The following TFAP2C variants were observed in gnomAD, a reference collection of about 807,000 sequenced individuals.
TFAP2C encodes the protein activating enhancer-binding protein 2 gamma.
TFAP2C carries 9 observed loss-of-function variants against 42.9 expected under a neutral mutation model. The ratio of observed to expected loss-of-function variants is 0.21; its 90% CI spans 0.13 to 0.37. The LOEUF (loss-of-function observed/expected upper bound fraction) is 0.37. Ranked by LOEUF, TFAP2C falls within the 10% of genes least tolerant of loss-of-function variation. The pLI, the probability that TFAP2C is intolerant of heterozygous loss-of-function variation, is 1.00. For synonymous variants in TFAP2C, 264 were observed against 256.0 expected, an observed-to-expected ratio of 1.03 and a Z score of -0.30; for missense variants, 462 against 591.7, an observed-to-expected ratio of 0.78 and a Z score of 2.27.
Position 56,629,585 on chromosome 20 carries a change from A to T in TFAP2C, c.41A>T (p.Asp14Val). Residue 14 changes from aspartate (D) to valine (V), a missense_variant, in exon 1 of 7, where the codon GAC (aspartate) becomes GTC (valine). Physicochemically the swap from Asp to Val is radical, Grantham distance 152. Around this residue, in one of 5 missense-constraint regions of TFAP2C, gnomAD observed 271 missense variants for 269.7 expected, o/e 1.00. Coordinates refer to ENST00000201031, the MANE Select transcript of TFAP2C (RefSeq NM_003222.4). The surrounding 1 kb of genome is among the most constrained non-coding windows in gnomAD (Gnocchi z 5.9). Reference sequence around the variant, plus strand: ...ACCGATAATGTCAAGTACGAAGAGGACTGCGAGGTGAGCTGGGGCTCCGGG... The same window carrying T: ...ACCGATAATGTCAAGTACGAAGAGGTCTGCGAGGTGAGCTGGGGCTCCGGG... ...KITDNVKYEE[D>V]CEDRHDGSSN... The T allele has an allele frequency of 1.4e-6, 2 of 1,421,676 alleles. No individual in the cohort carries two copies. The highest frequency in any genetic ancestry group is 1.8e-6 in the Non-Finnish European group (2 of 1,086,372). The allele number at this position is 1,421,676 out of a possible 1,614,324, so 88.1% of individuals were successfully genotyped here. A position where few individuals can be genotyped will look rare whatever the true frequency, so the allele number is the denominator to read the frequency against.
rs752243575 is a variant in TFAP2C at position 56,638,648 on chromosome 20, A to AT, written c.*642dup. On this transcript the variant is annotated 3_prime_UTR_variant, in exon 7 of 7. Transcript: ENST00000201031. ...TTGTAGAAACGAAGCCTGCTGATTGATTTTTTTCTCCTTTTTTTTTTTTTT... is the reference window on the plus strand; with the variant it reads ...TTGTAGAAACGAAGCCTGCTGATTGATTTTTTTTCTCCTTTTTTTTTTTTTT... 4 of 121,652 alleles carry AT rather than the reference A, an allele frequency of 3.3e-5. No individual in the cohort carries two copies. The highest frequency in any genetic ancestry group is 5.4e-4 in the South Asian group (2 of 3,728). The allele number at this position is 121,652 out of a possible 1,614,324, so 7.5% of individuals were successfully genotyped here.
intron 4 of TFAP2C, among the ~76,000 whole-genome samples, chr20:56,633,852 C>A (rs887193810): frequency 2.0e-5 from 3 of 152,092 alleles, no homozygotes; most frequent in African/African-American, 7.2e-5. Context: ...GTTTGTTCCC[C>A]AGGGAGTTTT....
Position 56,630,089 on chromosome 20 carries a change from T to C in TFAP2C, c.48+497T>C. ...AAAAGAAGTGGGGGCTGGGGAGTGG[T>C]GGTGGGGGTGCCCGAGGCCAGATGG... On this transcript the variant is annotated intron_variant, in intron 1 of 6. Coordinates refer to ENST00000201031, the MANE Select transcript of TFAP2C (RefSeq NM_003222.4). This position sits in a 1 kb window ranked among gnomAD's most constrained non-coding sequence, Gnocchi z 5.1. The C allele has an allele frequency of 5.5e-6, 1 of 182,670 alleles. No homozygotes were observed. The highest frequency in any genetic ancestry group is 8.3e-5 in the South Asian group (1 of 12,016). The allele number at this position is 182,670 out of a possible 1,614,324, so 11.3% of individuals were successfully genotyped here.
chr20:56,631,254 C>T lies in TFAP2C; in HGVS notation c.98C>T (p.Ser33Phe). ...SNGNPRVPHL[S>F]SAGQHLYSPA... ...GGGAATCCGCGGGTCCCCCACCTCT[C>T]CTCCGCCGGGCAGCACCTCTACAGC... Residue 33 changes from serine to phenylalanine, a missense_variant, in exon 2 of 7, where the codon TCC (serine) becomes TTC (phenylalanine). By Grantham distance (155) the Ser-to-Phe change is radical. Transcript: ENST00000201031. This position sits in a 1 kb window ranked among gnomAD's most constrained non-coding sequence, Gnocchi z 6.1. 1 of 1,585,674 alleles carries T rather than the reference C, an allele frequency of 6.3e-7. No homozygotes were observed. Among genetic ancestry groups the T allele is most frequent in the Non-Finnish European group, 8.6e-7 (1 of 1,167,160 alleles).
At chr20:56,633,257 C>T (rs1312054614) in intron 3 of TFAP2C, 96 bp from the exon 4 acceptor site, 1 of 919,852 alleles carries the variant, frequency 1.1e-6, no homozygotes, top group Non-Finnish European at 1.7e-6. Context: ...TGATGCTTGT[C>T]TAAAGATCAC....
chr20:56,637,814 A>G lies in TFAP2C; in HGVS notation c.1154A>G (p.Asn385Ser), dbSNP rs760198839. The G allele has an allele frequency of 1.2e-6, 2 of 1,613,170 alleles. No individual in the cohort carries two copies. The highest frequency in any genetic ancestry group is 1.7e-6 in the Non-Finnish European group (2 of 1,179,104). ...AGGCTCGCCCCAGTCTTGGAGACGA[A>G]CATACAGAACTGCTTGTCTCATTTC... ...TSRLAPVLETNIQNCLSHFSL... is the reference protein window; with the variant it reads ...TSRLAPVLETSIQNCLSHFSL... Residue 385 changes from asparagine to serine, a missense_variant, in exon 7 of 7, where the codon AAC becomes AGC. Transcript: ENST00000201031.
chr20:56,633,614 G>T, intron 4 of TFAP2C, 45 bp downstream of exon 4: 1 of 1,480,362 alleles, frequency 6.8e-7, no homozygotes. Context: ...GTAGTTGAAG[G>T]TGAGTGTATC....
chr20:56,634,971 A>C (rs942882024), intron 5 of TFAP2C, among the ~76,000 whole-genome samples: 3 of 152,224 alleles, frequency 2.0e-5, no homozygotes, highest in Admixed American at 6.5e-5. Flanking sequence ...AAAACAAAGC[A>C]TGTTGTTACT....
At chr20:56,632,585 G>T (rs778358386) in intron 3 of TFAP2C, among the ~76,000 whole-genome samples, 2 of 152,094 alleles carry the variant, frequency 1.3e-5, no homozygotes, top group African/African-American at 2.4e-5. Context: ...GAGGAAAAAT[G>T]GATTTTAAAG....
At position 56,631,241 on chromosome 20, in the gene TFAP2C, G is replaced by A; in HGVS notation, c.85G>A (p.Val29Ile). 1 of 1,568,822 alleles carries A rather than the reference G, an allele frequency of 6.4e-7. No homozygotes were observed. Among genetic ancestry groups the A allele is most frequent in the Non-Finnish European group, 8.6e-7 (1 of 1,159,302 alleles). Residue 29 changes from valine to isoleucine, a missense_variant, in exon 2 of 7, where the codon GTC becomes ATC. By Grantham distance (29) the Val-to-Ile change is conservative. Around this residue, in one of 5 missense-constraint regions of TFAP2C, gnomAD observed 271 missense variants for 269.7 expected, o/e 1.00. Transcript: ENST00000201031. The surrounding 1 kb of genome is among the most constrained non-coding windows in gnomAD (Gnocchi z 6.1). Reference sequence around the variant, plus strand: ...CGGGAGCAGCAATGGGAATCCGCGGGTCCCCCACCTCTCCTCCGCCGGGCA... The same window carrying A: ...CGGGAGCAGCAATGGGAATCCGCGGATCCCCCACCTCTCCTCCGCCGGGCA... ...HDGSSNGNPRVPHLSSAGQHL... is the reference protein window; with the variant it reads ...HDGSSNGNPRIPHLSSAGQHL...
rs1167146978 is a variant in TFAP2C at position 56,637,801 on chromosome 20, G to T, written c.1141G>T (p.Val381Phe). 6.2e-7 allele frequency: 1 copy of T among 1,614,016 alleles called. No homozygotes were observed. Among genetic ancestry groups the T allele is most frequent in the African/African-American group, 1.3e-5 (1 of 74,926 alleles). ...CCATGGGACCAGCAGGCTCGCCCCA[G>T]TCTTGGAGACGAACATACAGAACTG... ...TPHGTSRLAP[V>F]LETNIQNCLS... The change falls in exon 7 of 7, where the codon GTC (valine) becomes TTC (phenylalanine). Residue 381 changes from valine (V) to phenylalanine (F), a missense_variant. Val to Phe is a conservative substitution (Grantham distance 50). Transcript: ENST00000201031.
At position 56,631,722 on chromosome 20, in the gene TFAP2C, G is replaced by T. The variant is rs769389813; in HGVS notation, c.534+32G>T. On this transcript the variant is annotated intron_variant, in intron 2 of 6. Coordinates refer to ENST00000201031, the MANE Select transcript of TFAP2C (RefSeq NM_003222.4). The surrounding 1 kb of genome is among the most constrained non-coding windows in gnomAD (Gnocchi z 6.1). ...GGCGCTGCGGCTCCTGACCGGACCT[G>T]TTCACCCTACGGCCTTCTGCCCCCA... 6.2e-7 allele frequency: 1 copy of T among 1,608,424 alleles called. No individual in the cohort carries two copies. Among genetic ancestry groups the T allele is most frequent in the East Asian group, 2.2e-5 (1 of 44,752 alleles).
rs1444305054 is a variant in TFAP2C at position 56,631,770 on chromosome 20, C to A, written c.535-35C>A. 1 of 1,613,976 alleles carries A rather than the reference C, an allele frequency of 6.2e-7. No homozygotes were observed. ...CCACCCCGCACTCCTCTAGGCTCCC[C>A]CGAACTTAAGGGAATTTTGTCCTCT... On this transcript the variant is annotated intron_variant, in intron 2 of 6. Transcript: ENST00000201031. The surrounding 1 kb of genome is among the most constrained non-coding windows in gnomAD (Gnocchi z 6.1).
chr20:56,636,288 A>C (rs1252762830), intron 5 of TFAP2C, among the ~76,000 whole-genome samples: 1 of 152,212 alleles, frequency 6.6e-6, no homozygotes, highest in Non-Finnish European at 1.5e-5. Flanking sequence ...TCATGTCTAT[A>C]ATCCCTGGCA....
At position 56,633,519 on chromosome 20, in the gene TFAP2C, G is replaced by C; in HGVS notation, c.753G>C (p.Leu251=). 1 of 1,614,186 alleles carries C rather than the reference G, an allele frequency of 6.2e-7. No individual in the cohort carries two copies. Among genetic ancestry groups the C allele is most frequent in the Non-Finnish European group, 8.5e-7 (1 of 1,180,034 alleles). The stretch of plus-strand genomic sequence containing the variant: ...CAGTGGCTGAAGTACAGAGGCGACT[G>C]TCCCCACCTGAATGCTTAAATGCCT... ...KVTVAEVQRR[L]SPPECLNASL... The change falls in exon 4 of 7, where the codon CTG becomes CTC. Residue 251 remains leucine (L), a synonymous_variant. Coordinates refer to ENST00000201031, the MANE Select transcript of TFAP2C (RefSeq NM_003222.4).
Position 56,636,538 on chromosome 20 carries a change from AAAG to A in TFAP2C, c.923-70_923-68del, listed in dbSNP as rs1243078634. ...GAGACTCCGTGTCAAAAAAAAAAAA[AAAG>A]AGAGAGGAAAAGGGCAGTTTGGCCT... On this transcript the variant is annotated intron_variant, in intron 5 of 6. Coordinates refer to ENST00000201031, the MANE Select transcript of TFAP2C (RefSeq NM_003222.4). 29 of 1,512,126 alleles carry A rather than the reference AAAG, an allele frequency of 1.9e-5. No homozygotes were observed. In the South Asian group the frequency reaches 2.8e-4, roughly 15 times the overall value. 93.7% of individuals were successfully genotyped at this position (1,512,126 alleles called of 1,614,324 possible).
intron 5 of TFAP2C, among the ~76,000 whole-genome samples, chr20:56,636,006 A>G (rs1987576552): frequency 6.6e-6 from 1 of 152,182 alleles, no homozygotes; most frequent in Non-Finnish European, 1.5e-5. Context: ...GAATCTTTTC[A>G]ATCTGAGTTT....
In TFAP2C at chr20:56,629,537, C is replaced by T. The variant is rs201445633; in HGVS notation, c.-8C>T. 8.4e-6 allele frequency: 12 copies of T among 1,423,628 alleles called. No homozygotes were observed. Among genetic ancestry groups the T allele is most frequent in the South Asian group, 7.0e-5 (4 of 57,150 alleles). 88.2% of individuals were successfully genotyped at this position (1,423,628 alleles called of 1,614,324 possible). A position where few individuals can be genotyped will look rare whatever the true frequency, so the allele number is the denominator to read the frequency against. On this transcript the variant is annotated 5_prime_UTR_variant, in exon 1 of 7. Coordinates refer to ENST00000201031, the MANE Select transcript of TFAP2C (RefSeq NM_003222.4). This position sits in a 1 kb window ranked among gnomAD's most constrained non-coding sequence, Gnocchi z 5.9. ...AACTGGCGACTGTTTTGGGGGACGC[C>T]GGACGCCATGTTGTGGAAAATAACC...
In TFAP2C at chr20:56,630,262, C is replaced by G; in HGVS notation, c.48+670C>G. 6.3e-6 allele frequency: 2 copies of G among 317,974 alleles called. No homozygotes were observed. Among genetic ancestry groups the G allele is most frequent in the South Asian group, 4.5e-5 (2 of 43,998 alleles). The allele number at this position is 317,974 out of a possible 1,614,324, so 19.7% of individuals were successfully genotyped here. ...GCTCAGGGGCGCCGGGAGCGCGGAG[C>G]TCGGGCTACGGACTCGCGGGAGTTC... is the stretch of plus-strand genomic sequence containing the variant. On this transcript the variant is annotated intron_variant, in intron 1 of 6. Transcript: ENST00000201031. The surrounding 1 kb of genome is among the most constrained non-coding windows in gnomAD (Gnocchi z 5.1).
Sources: allele counts gnomAD v4.1 joint callset (sites outside exome capture counted in the v4.1 genomes callset), GRCh38; gene constraint gnomAD v4.1.1; regional missense constraint gnomAD v4.1.1; non-coding constraint Gnocchi (gnomAD v3.1); transcripts MANE v1.5; gene names NCBI Gene and HGNC (gene_info 2026-07-23, HGNC 2026-07-21).